The following COL11A1 variants were observed in gnomAD, a reference collection of about 807,000 sequenced individuals.
COL11A1 encodes the protein collagen alpha-1(XI) chain.
A neutral mutation model predicts 265.2 loss-of-function variants in COL11A1; 74 were observed. That is an observed-to-expected ratio of 0.28 (90% CI 0.23 to 0.34). COL11A1 has a LOEUF of 0.34. Ranked by LOEUF, COL11A1 falls within the 10% of genes least tolerant of loss-of-function variation. The pLI, the probability that COL11A1 is intolerant of heterozygous loss-of-function variation, is 1.00. For synonymous variants in COL11A1, 816 were observed against 727.6 expected, an observed-to-expected ratio of 1.12 and a Z score of -1.96; for missense variants, 2,165 against 2,263.6, an observed-to-expected ratio of 0.96 and a Z score of 0.88.
intron 9 of COL11A1, among the ~76,000 whole-genome samples, 192 bp from the exon 10 acceptor site, chr1:103,019,051 C>A (rs1057075358): frequency 6.6e-6 from 1 of 151,894 alleles, no homozygotes; most frequent in Admixed American, 6.6e-5. Context: ...ATAGACTGTG[C>A]CCTCAGAGAA....
At chr1:103,044,212 T>G (rs1037632447) in intron 4 of COL11A1, among the ~76,000 whole-genome samples, 1 of 151,848 alleles carries the variant, frequency 6.6e-6, no homozygotes, top group African/African-American at 2.4e-5. Flanking sequence ...TTTTTTTTTC[T>G]CAACTGTTTT....
chr1:103,017,800 TATC>T lies in COL11A1; in HGVS notation c.1413+17_1413+19del. The T allele has an allele frequency of 3.8e-6, 6 of 1,594,952 alleles. No homozygotes were observed. The highest frequency in any genetic ancestry group is 5.2e-6 in the Non-Finnish European group (6 of 1,162,610). ...TGTATGACATGCATTTGTAATGAGA[TATC>T]ATGTCCATTCACTTACCCTATCGCC... On this transcript the variant is annotated intron_variant, in intron 11 of 66. Coordinates refer to ENST00000370096, the MANE Select transcript of COL11A1 (RefSeq NM_001854.4).
At chr1:102,957,552 CTT>C (rs1660495396) in intron 41 of COL11A1, among the ~76,000 whole-genome samples, 1 of 152,014 alleles carries the variant, frequency 6.6e-6, no homozygotes, top group Non-Finnish European at 1.5e-5. Context: ...TGACAAACAT[CTT>C]GTCATTAAAA....
Position 102,946,936 on chromosome 1 carries a change from C to T in COL11A1, c.3189G>A (p.Gly1063=), listed in dbSNP as rs75915098. The change falls in exon 42 of 67, where the codon GGG becomes GGA. Residue 1063 remains glycine (G), a synonymous_variant. Transcript: ENST00000370096. ...CAATTGGGCCAGCTGTACCTGCTGA[C>T]CCACGTTCTCCTGGTGAGCCCTAGT... is the stretch of plus-strand genomic sequence containing the variant. ...PGPVGSPGER[G]SAGTAGPIGL... The T allele has an allele frequency of 5.9e-4, 956 of 1,612,620 alleles. 4 individuals carry two copies. The African/African-American group carries it at 0.011, about 18-fold the overall frequency.
At chr1:103,049,310 T>C (rs1435571649) in intron 4 of COL11A1, among the ~76,000 whole-genome samples, 1 of 152,232 alleles carries the variant, frequency 6.6e-6, no homozygotes, top group Admixed American at 6.5e-5. Context: ...ATACTTAGGA[T>C]AGTTAGCTCT....
intron 44 of COL11A1, among the ~76,000 whole-genome samples, chr1:102,936,263 C>T (rs1168089583): frequency 1.4e-5 from 2 of 147,414 alleles, no homozygotes; most frequent in Non-Finnish European, 3.0e-5. Flanking sequence ...GCCCTACAAA[C>T]ATTTGGATTA....
At position 103,085,697 on chromosome 1, in the gene COL11A1, T is replaced by A. The variant is rs186421827; in HGVS notation, c.107-2725A>T. Among the ~76,000 whole-genome samples the A allele has an allele frequency of 3.7e-3, 561 of 152,316 alleles. 2 individuals are homozygous for A. Among genetic ancestry groups the A allele is most frequent in the Non-Finnish European group, 5.1e-3 (346 of 68,016 alleles). On this transcript the variant is annotated intron_variant, in intron 1 of 66. Transcript: ENST00000370096. ...AATATCATTCAGCATGCCTGAGATA[T>A]AAAAATTATAATGATGTTTGAGAAC...
Position 102,883,378 on chromosome 1 carries a change from C to A in COL11A1, c.4859-67G>T, listed in dbSNP as rs2101026886. On this transcript the variant is annotated intron_variant, in intron 63 of 66. Coordinates refer to ENST00000370096, the MANE Select transcript of COL11A1 (RefSeq NM_001854.4). The stretch of plus-strand genomic sequence containing the variant: ...CATCATTGTTGAATGCATTAGATGT[C>A]AAATTTTGTTAGAAAGAGAAATAAG... 4 of 992,402 alleles carry A rather than the reference C, an allele frequency of 4.0e-6. No homozygotes were observed. In the South Asian group the frequency reaches 5.1e-5, roughly 13 times the overall value. The allele number at this position is 992,402 out of a possible 1,614,324, so 61.5% of individuals were successfully genotyped here.
chr1:103,005,816 A>C, intron 18 of COL11A1, 22 bp downstream of exon 18: 1 of 1,613,296 alleles, frequency 6.2e-7, no homozygotes, highest in South Asian at 1.1e-5. Context: ...TCCCTGGAAA[A>C]AAAGGAATAG....
intron 8 of COL11A1, among the ~76,000 whole-genome samples, chr1:103,022,338 G>A (rs962947384): frequency 6.6e-6 from 1 of 151,932 alleles, no homozygotes; most frequent in African/African-American, 2.4e-5. Flanking sequence ...TTATAAACAT[G>A]TTTTATAATG....
At chr1:103,014,213 T>A (rs897724438) in intron 13 of COL11A1, among the ~76,000 whole-genome samples, 1 of 151,994 alleles carries the variant, frequency 6.6e-6, no homozygotes, top group Non-Finnish European at 1.5e-5. Flanking sequence ...GTGCACTAGG[T>A]GTAAATATAT....
At chr1:103,098,971 A>T (rs1674013808) in intron 1 of COL11A1, among the ~76,000 whole-genome samples, 1 of 151,826 alleles carries the variant, frequency 6.6e-6, no homozygotes, top group Admixed American at 6.6e-5. Context: ...AGACATTGAG[A>T]GTAGGTGATA....
intron 49 of COL11A1, among the ~76,000 whole-genome samples, chr1:102,916,125 T>C (rs538871549): frequency 6.6e-6 from 1 of 152,204 alleles, no homozygotes; most frequent in Non-Finnish European, 1.5e-5. Context: ...CTGGTACATA[T>C]GTTGATATTT....
At chr1:103,097,742 T>C (rs1025536079) in intron 1 of COL11A1, among the ~76,000 whole-genome samples, 4 of 151,986 alleles carry the variant, frequency 2.6e-5, no homozygotes, top group Admixed American at 6.6e-5. Context: ...GAGCATTTAA[T>C]AGGGATTTAA....
At chr1:103,017,715 CT>C (rs1224268124) in intron 11 of COL11A1, 104 bp downstream of exon 11, 3 of 968,852 alleles carry the variant, frequency 3.1e-6, no homozygotes, top group African/African-American at 1.6e-5. Flanking sequence ...GCCTTTACCC[CT>C]CCCACACGCA....
At chr1:103,012,609 G>A in intron 13 of COL11A1, 140 bp from the exon 14 acceptor site, 2 of 696,892 alleles carry the variant, frequency 2.9e-6, no homozygotes, top group South Asian at 1.7e-5. Context: ...AGAGTGTCAG[G>A]TTACTGAAGA....
chr1:102,946,764 G>A (rs1659329787), intron 42 of COL11A1, 85 bp downstream of exon 42: 4 of 1,036,276 alleles, frequency 3.9e-6, no homozygotes, highest in African/African-American at 3.2e-5. Context: ...ATACGGTGGT[G>A]TATGAAAAGC....
intron 13 of COL11A1, among the ~76,000 whole-genome samples, chr1:103,014,258 G>T (rs928632505): frequency 6.6e-6 from 1 of 151,996 alleles, no homozygotes; most frequent in Non-Finnish European, 1.5e-5. Flanking sequence ...GAAATCTTGC[G>T]TGTTATGGTG....
At chr1:103,096,133 A>G (rs1673741400) in intron 1 of COL11A1, among the ~76,000 whole-genome samples, 1 of 151,890 alleles carries the variant, frequency 6.6e-6, no homozygotes, top group African/African-American at 2.4e-5. Context: ...AATTGAGAGG[A>G]AGGTGCAGAT....
Sources: allele counts gnomAD v4.1 joint callset (sites outside exome capture counted in the v4.1 genomes callset), GRCh38; gene constraint gnomAD v4.1.1; transcripts MANE v1.5; gene names NCBI Gene and HGNC (gene_info 2026-07-23, HGNC 2026-07-21).